Variants in CHCHD3 observed in about 807,000 individuals in gnomAD.
The protein encoded by CHCHD3 is coiled-coil-helix-coiled-coil-helix domain containing 3, also known as MICOS complex subunit MIC19.
A neutral mutation model predicts 38.2 loss-of-function variants in CHCHD3; 20 were observed. The ratio of observed to expected loss-of-function variants is 0.52; its 90% CI spans 0.37 to 0.76. CHCHD3 has a LOEUF of 0.76. CHCHD3 is among the 30% of genes least tolerant of loss of function. The pLI is 0.00. For synonymous variants in CHCHD3, 82 were observed against 100.0 expected, an observed-to-expected ratio of 0.82 and a Z score of 1.07; for missense variants, 245 against 279.2, an observed-to-expected ratio of 0.88 and a Z score of 0.87.
chr7:133,025,663 C>T (rs1423630539), intron 2 of CHCHD3, among the ~76,000 whole-genome samples: 5 of 152,172 alleles, frequency 3.3e-5, no homozygotes, highest in African/African-American at 1.2e-4. Context: ...TGCCACCACA[C>T]CTAGCTAATT....
intron 3 of CHCHD3, among the ~76,000 whole-genome samples, chr7:132,991,254 T>C (rs752787327): frequency 6.6e-6 from 1 of 152,186 alleles, no homozygotes; most frequent in Non-Finnish European, 1.5e-5. Flanking sequence ...TTCTGTTTAG[T>C]GTTTATAAGC....
chr7:132,819,240 AAT>A (rs1236295621), intron 6 of CHCHD3, among the ~76,000 whole-genome samples: 5 of 152,140 alleles, frequency 3.3e-5, no homozygotes, highest in Non-Finnish European at 7.4e-5. Context: ...CCAAGTCTAT[AAT>A]TCTTAGTTTT....
intron 4 of CHCHD3, among the ~76,000 whole-genome samples, chr7:132,914,191 T>C (rs922732808): frequency 6.6e-6 from 1 of 151,206 alleles, no homozygotes; most frequent in Admixed American, 6.6e-5. Flanking sequence ...GGTTTCACCA[T>C]GTTGGCCAGG....
In CHCHD3 at chr7:132,851,579, T is replaced by C. The variant is rs138604921; in HGVS notation, c.454-13110A>G. Among the ~76,000 whole-genome samples the C allele has an allele frequency of 3.7e-3, 564 of 152,342 alleles. 3 individuals carry two copies. Among genetic ancestry groups the C allele is most frequent in the Non-Finnish European group, 6.3e-3 (428 of 68,024 alleles). ...GCTTTTGACATGGTTGTATGTCTCA[T>C]TGTTTATTCTACAAGGGTGAGACAA... On this transcript the variant is annotated intron_variant, in intron 5 of 7. Coordinates refer to ENST00000262570, the MANE Select transcript of CHCHD3 (RefSeq NM_017812.4).
chr7:132,854,796 T>C (rs566433330), intron 5 of CHCHD3, among the ~76,000 whole-genome samples: 1 of 152,300 alleles, frequency 6.6e-6, no homozygotes, highest in East Asian at 1.9e-4. Context: ...CCACTGCTTA[T>C]GATCTACTGA....
intron 5 of CHCHD3, among the ~76,000 whole-genome samples, chr7:132,845,399 T>G (rs1808053319): frequency 6.6e-6 from 1 of 152,218 alleles, no homozygotes; most frequent in Non-Finnish European, 1.5e-5. Flanking sequence ...AAAAGCCTAT[T>G]CTTCCATTAA....
At chr7:132,795,535 T>G (rs1032922566) in intron 7 of CHCHD3, among the ~76,000 whole-genome samples, 1 of 152,208 alleles carries the variant, frequency 6.6e-6, no homozygotes, top group East Asian at 1.9e-4. Flanking sequence ...CAGATAATAC[T>G]AACCCTCCCG....
At chr7:132,902,889 T>C (rs977369450) in intron 4 of CHCHD3, among the ~76,000 whole-genome samples, 3 of 152,220 alleles carry the variant, frequency 2.0e-5, no homozygotes, top group African/African-American at 7.2e-5. Context: ...TACTCTGGTA[T>C]GGGAAGACCA....
At chr7:133,003,336 G>A (rs898064982) in intron 3 of CHCHD3, among the ~76,000 whole-genome samples, 11 of 152,190 alleles carry the variant, frequency 7.2e-5, no homozygotes, top group Non-Finnish European at 1.0e-4. Context: ...TGAGGCCTGT[G>A]TGCTGTAAAA....
At chr7:132,797,803 A>C (rs1042181229) in intron 6 of CHCHD3, among the ~76,000 whole-genome samples, 1 of 152,180 alleles carries the variant, frequency 6.6e-6, no homozygotes, top group African/African-American at 2.4e-5. Flanking sequence ...ATACGAATGA[A>C]GGTAAAATAT....
At chr7:133,010,177 G>C (rs1344137687) in intron 3 of CHCHD3, among the ~76,000 whole-genome samples, 1 of 152,190 alleles carries the variant, frequency 6.6e-6, no homozygotes, top group Non-Finnish European at 1.5e-5. Context: ...CCCACTCCAA[G>C]CTACTTTTGT....
At chr7:133,067,495 T>C (rs924228846) in intron 2 of CHCHD3, among the ~76,000 whole-genome samples, 8 of 152,230 alleles carry the variant, frequency 5.3e-5, no homozygotes, top group African/African-American at 1.7e-4. Context: ...TTTAAGTTCA[T>C]ACATGTAGAT....
intron 5 of CHCHD3, among the ~76,000 whole-genome samples, chr7:132,884,306 C>T (rs1394274535): frequency 6.6e-6 from 1 of 152,142 alleles, no homozygotes; most frequent in Non-Finnish European, 1.5e-5. Context: ...TGCCTAAACC[C>T]CAGCCCTGGG....
intron 4 of CHCHD3, among the ~76,000 whole-genome samples, chr7:132,891,420 T>G (rs1809357077): frequency 6.6e-6 from 1 of 152,172 alleles, no homozygotes. Context: ...ACTAACACTA[T>G]AACACCTAAT....
chr7:132,872,834 G>T (rs6956415), intron 5 of CHCHD3, among the ~76,000 whole-genome samples: 33,097 of 152,016 alleles, frequency 0.22, 3,849 homozygotes, highest in South Asian at 0.26. Context: ...GGCCGGACTC[G>T]GTGGCTTATG....
At chr7:132,826,931 GA>G (rs1253189955) in intron 6 of CHCHD3, among the ~76,000 whole-genome samples, 1 of 151,830 alleles carries the variant, frequency 6.6e-6, no homozygotes, top group African/African-American at 2.4e-5. Flanking sequence ...TTAATGGGGG[GA>G]AAAAAGACTG....
chr7:132,891,719 G>A (rs1332289387), intron 4 of CHCHD3, among the ~76,000 whole-genome samples: 4 of 152,220 alleles, frequency 2.6e-5, no homozygotes, highest in East Asian at 1.9e-4. Context: ...ATCTTGAACT[G>A]TAATCCCCAT....
At chr7:132,941,019 T>C (rs1000719119) in intron 4 of CHCHD3, among the ~76,000 whole-genome samples, 6 of 152,124 alleles carry the variant, frequency 3.9e-5, no homozygotes, top group Non-Finnish European at 8.8e-5. Flanking sequence ...CAAAATACTG[T>C]AAAACTGATG....
chr7:133,020,852 T>C (rs1489546426), intron 3 of CHCHD3, among the ~76,000 whole-genome samples: 1 of 151,830 alleles, frequency 6.6e-6, no homozygotes, highest in Non-Finnish European at 1.5e-5. Context: ...AACAATTAAA[T>C]CCAATGTGGG....
Sources: gnomAD v4.1 joint callset for allele counts (sites outside exome capture counted in the v4.1 genomes callset) on GRCh38, gnomAD v4.1.1 for gene constraint, MANE v1.5 for transcripts, NCBI Gene and HGNC (gene_info 2026-07-23, HGNC 2026-07-21) for gene names.